AKAP8: variants seen among roughly 807,000 people sequenced by gnomAD.
AKAP8 encodes A-kinase anchor protein 8.
AKAP8 carries 24 observed loss-of-function variants against 67.5 expected under a neutral mutation model. The ratio of observed to expected loss-of-function variants is 0.36; its 90% confidence interval spans 0.26 to 0.50. The LOEUF (loss-of-function observed/expected upper bound fraction) is 0.50, where lower values mean the gene tolerates loss of function less well. Ranked by LOEUF, AKAP8 falls within the 20% of genes least tolerant of loss-of-function variation. The pLI is 0.97. For missense variants in AKAP8, 971 were observed against 955.9 expected (o/e 1.02, Z -0.21); for synonymous variants, 400 against 371.1 (o/e 1.08, Z -0.90).
At chr19:15,377,318 C>T (rs1022668159) in intron 1 of AKAP8, among the ~76,000 whole-genome samples, 8 of 152,188 alleles carry the variant, frequency 5.3e-5, no homozygotes, top group East Asian at 1.9e-4. Context: ...CTGAGGCTAA[C>T]ACAAGACAAT....
intron 9 of AKAP8, among the ~76,000 whole-genome samples, chr19:15,366,529 TC>T (rs1967073438): frequency 6.6e-6 from 1 of 151,892 alleles, no homozygotes; most frequent in Non-Finnish European, 1.5e-5. Context: ...ACAGTGATTT[TC>T]TTTTTTTTTT....
intron 13 of AKAP8, among the ~76,000 whole-genome samples, chr19:15,358,507 C>T (rs1354933473): frequency 6.6e-6 from 1 of 152,006 alleles, no homozygotes; most frequent in Admixed American, 6.6e-5. Flanking sequence ...CCATAATTCC[C>T]GGTTCCCCGC....
chr19:15,361,975 G>A, intron 10 of AKAP8, 135 bp downstream of exon 10: 2 of 1,393,862 alleles, frequency 1.4e-6, no homozygotes, highest in Non-Finnish European at 1.9e-6. Context: ...TGTGACTCAG[G>A]GACTTACACA....
intron 1 of AKAP8, 64 bp from the exon 2 acceptor site, chr19:15,377,078 G>A: frequency 2.6e-6 from 4 of 1,546,626 alleles, no homozygotes; most frequent in Non-Finnish European, 3.5e-6. Flanking sequence ...CCTTTTGGGG[G>A]TACTCCTAAA....
intron 11 of AKAP8, among the ~76,000 whole-genome samples, chr19:15,361,301 C>T (rs941842509): frequency 3.3e-5 from 5 of 151,478 alleles, no homozygotes; most frequent in Non-Finnish European, 7.4e-5. Flanking sequence ...GCTCTTCCCA[C>T]GGGTCTCGTC....
At chr19:15,379,512 C>T (rs1157596178) in intron 1 of AKAP8, 5 of 526,082 alleles carry the variant, frequency 9.5e-6, no homozygotes, top group Admixed American at 4.4e-5. Flanking sequence ...GGCCTGGCGG[C>T]CAATCCGCAC....
At chr19:15,372,435 C>T (rs1007385804) in intron 5 of AKAP8, 88 bp from the exon 6 acceptor site, 2 of 1,532,110 alleles carry the variant, frequency 1.3e-6, no homozygotes, top group African/African-American at 2.8e-5. Flanking sequence ...TAGGATCAGA[C>T]AACACAGGCA....
intron 12 of AKAP8, among the ~76,000 whole-genome samples, chr19:15,359,886 C>G (rs1011714941): frequency 3.3e-5 from 5 of 152,026 alleles, no homozygotes; most frequent in African/African-American, 1.2e-4. Context: ...GTAATCCCAG[C>G]ACTCTGGGAG....
chr19:15,363,498 C>T (rs1303707616), intron 9 of AKAP8, among the ~76,000 whole-genome samples: 3 of 142,264 alleles, frequency 2.1e-5, no homozygotes, highest in East Asian at 2.2e-4. Context: ...GGGTCAGCCC[C>T]CCGCCCGGCC....
chr19:15,366,697 C>T (rs1967076581), intron 9 of AKAP8, among the ~76,000 whole-genome samples: 1 of 152,118 alleles, frequency 6.6e-6, no homozygotes. Context: ...GCAACCTCCA[C>T]CTCCTGGGTT....
At chr19:15,374,156 G>T in intron 3 of AKAP8, 91 bp from the exon 4 acceptor site, 1 of 1,437,850 alleles carries the variant, frequency 7.0e-7, no homozygotes, top group East Asian at 2.3e-5. Context: ...CGCTGCCACG[G>T]AGAAGGAAAA....
At chr19:15,358,846 C>T in intron 13 of AKAP8, 121 bp downstream of exon 13, 2 of 866,118 alleles carry the variant, frequency 2.3e-6, no homozygotes, top group Non-Finnish European at 1.9e-6. Flanking sequence ...ATTCCAGTGT[C>T]CCTCAACTGT....
At chr19:15,365,267 A>C (rs190986646) in intron 9 of AKAP8, among the ~76,000 whole-genome samples, 79 of 152,332 alleles carry the variant, frequency 5.2e-4, no homozygotes, top group Non-Finnish European at 8.8e-4. Flanking sequence ...GCACAATTCA[A>C]AACACAAAAC....
At chr19:15,363,363 T>C (rs1320128106) in intron 9 of AKAP8, among the ~76,000 whole-genome samples, 2 of 67,476 alleles carry the variant, frequency 3.0e-5, no homozygotes, top group African/African-American at 5.8e-5. Context: ...TGGGGGGGGG[T>C]CAGCCCCCCG....
intron 9 of AKAP8, among the ~76,000 whole-genome samples, chr19:15,364,469 G>C (rs1385356384): frequency 1.3e-5 from 2 of 152,166 alleles, no homozygotes; most frequent in South Asian, 2.1e-4. Context: ...TCCTGCGTCA[G>C]CCTCCCGAGT....
At chr19:15,366,613 T>TG (rs1234796504) in intron 9 of AKAP8, among the ~76,000 whole-genome samples, 2 of 151,108 alleles carry the variant, frequency 1.3e-5, no homozygotes, top group East Asian at 2.0e-4. Context: ...CTCACTGAGA[T>TG]GGAGTTTTTA....
In AKAP8 at chr19:15,373,092, C is replaced by T; in HGVS notation, c.620G>A (p.Ser207Asn). 6.2e-7 allele frequency: 1 copy of T among 1,611,876 alleles called. No homozygotes were observed. Among genetic ancestry groups the T allele is most frequent in the Non-Finnish European group, 8.5e-7 (1 of 1,179,454 alleles). ...CGCAGCGGGGGGCACGAAGGGGTCGCTGCGCATGAAGGTGCCAGGGTTGCT... is the reference window on the plus strand; with the variant it reads ...CGCAGCGGGGGGCACGAAGGGGTCGTTGCGCATGAAGGTGCCAGGGTTGCT... ...DRSNPGTFMR[S>N]DPFVPPAASS... Residue 207 changes from serine (S) to asparagine (N), a missense_variant, in exon 5 of 14, where the codon AGC becomes AAC. Around this residue, in one of 3 missense-constraint regions of AKAP8, gnomAD observed 763 missense variants for 745.4 expected, o/e 1.02. Coordinates refer to ENST00000269701, the MANE Select transcript of AKAP8 (RefSeq NM_005858.4).
chr19:15,354,721 C>G lies in AKAP8; in HGVS notation c.*194G>C, dbSNP rs1478787273. On this transcript the variant is annotated 3_prime_UTR_variant, in exon 14 of 14. Transcript: ENST00000269701. ...GGACAATGTACTTCAGCTTTGAAAC[C>G]TGGGCAAGAAGCCACACGACTGCAT... The G allele has an allele frequency of 1.1e-5, 7 of 628,918 alleles. No individual in the cohort carries two copies. In the East Asian group the frequency reaches 1.4e-4, roughly 12 times the overall value. 39.0% of individuals were successfully genotyped at this position (628,918 alleles called of 1,614,324 possible).
chr19:15,371,993 C>G lies in AKAP8; in HGVS notation c.997G>C (p.Ala333Pro). The change falls in exon 7 of 14, where the codon GCA becomes CCA. Residue 333 changes from alanine to proline, a missense_variant. Transcript: ENST00000269701. The part of the protein sequence containing the change: ...SEGDFSENDD[A>P]AGDFRSGDEE... ...TCTCCTGAGCGGAAGTCACCAGCTG[C>G]GTCATCTGCCAGACACAAAGAAAGG... 6.2e-7 allele frequency: 1 copy of G among 1,614,094 alleles called. No individual in the cohort carries two copies. Among genetic ancestry groups the G allele is most frequent in the Non-Finnish European group, 8.5e-7 (1 of 1,180,014 alleles).
Sources: gnomAD v4.1 joint callset for allele counts (sites outside exome capture counted in the v4.1 genomes callset) on GRCh38, gnomAD v4.1.1 for gene constraint, gnomAD v4.1.1 regional missense constraint, MANE v1.5 for transcripts, NCBI Gene and HGNC (gene_info 2026-07-23, HGNC 2026-07-21) for gene names.